Variants in SLC14A2 observed in about 807,000 individuals in gnomAD.
SLC14A2 encodes urea transporter 2.
SLC14A2 carries 91 observed loss-of-function variants against 104.6 expected under a neutral mutation model. The observed-to-expected ratio is 0.87, with a 90% confidence interval of 0.73 to 1.04. The LOEUF (loss-of-function observed/expected upper bound fraction) is 1.04, where lower values mean the gene tolerates loss of function less well. SLC14A2 is among the 50% of genes least tolerant of loss of function. The pLI is 0.00. For missense variants in SLC14A2, 1,189 were observed against 1,156.0 expected (o/e 1.03, Z -0.41); for synonymous variants, 476 against 466.4 (o/e 1.02, Z -0.27).
intron 1 of SLC14A2, among the ~76,000 whole-genome samples, chr18:45,279,860 T>C (rs1599638679): frequency 1.3e-5 from 2 of 152,234 alleles, no homozygotes; most frequent in South Asian, 4.2e-4. Context: ...ATTTAATAAG[T>C]AACCTCAGCA....
At chr18:45,568,816 C>T (rs1381755124) in intron 2 of SLC14A2, among the ~76,000 whole-genome samples, 1 of 152,164 alleles carries the variant, frequency 6.6e-6, no homozygotes, top group African/African-American at 2.4e-5. Flanking sequence ...GCAGCATAAC[C>T]TAACCTATCC....
At chr18:45,275,787 T>C (rs942065771) in intron 1 of SLC14A2, among the ~76,000 whole-genome samples, 2 of 152,252 alleles carry the variant, frequency 1.3e-5, no homozygotes, top group Admixed American at 1.3e-4. Context: ...AGTTGTTTAC[T>C]ATTTGGAGAT....
intron 1 of SLC14A2, among the ~76,000 whole-genome samples, chr18:45,359,360 G>A (rs1044154673): frequency 6.6e-6 from 1 of 152,164 alleles, no homozygotes; most frequent in Non-Finnish European, 1.5e-5. Flanking sequence ...CCAGGGCAAT[G>A]GTTCCTGCTC....
rs116315325 is a variant in SLC14A2 at position 45,479,577 on chromosome 18, A to G, written c.-124-3656A>G. ...CTCACTATCTGTGCCAAGTTAGAGT[A>G]CCTAGCACACAGGAAATAGTGAATT... On this transcript the variant is annotated intron_variant, in intron 1 of 20. Coordinates refer to the SLC14A2 transcript ENST00000586448. 3.5e-3 allele frequency among the ~76,000 whole-genome samples: 532 copies of G among 152,292 alleles called. 3 individuals are homozygous for G. The highest frequency in any genetic ancestry group is 0.012 in the African/African-American group (512 of 41,566).
rs202027934 is a variant in SLC14A2, at chr18:45,418,220, ATC to A, written c.-124-65011_-124-65010del. ...TGTGGGGGGAACAGCAATAAAAGAAATCTGATTCTTATCCTCTGGGTACTCAC... is the reference window on the plus strand; with the variant it reads ...TGTGGGGGGAACAGCAATAAAAGAAATGATTCTTATCCTCTGGGTACTCAC... On this transcript the variant is annotated intron_variant, in intron 1 of 20. Coordinates refer to the SLC14A2 transcript ENST00000586448. Among the ~76,000 whole-genome samples, 1,144 of 152,362 alleles carry A rather than the reference ATC, an allele frequency of 7.5e-3. 20 individuals are homozygous for A. The South Asian group carries it at 0.078, about 10-fold the overall frequency.
intron 2 of SLC14A2, among the ~76,000 whole-genome samples, chr18:45,585,276 C>T (rs1021542888): frequency 2.6e-5 from 4 of 152,088 alleles, no homozygotes; most frequent in African/African-American, 7.2e-5. Context: ...AACTCCGTCC[C>T]CTATCATATT....
At chr18:45,397,909 C>T (rs2086053507) in intron 1 of SLC14A2, among the ~76,000 whole-genome samples, 1 of 149,788 alleles carries the variant, frequency 6.7e-6, no homozygotes, top group African/African-American at 2.4e-5. Flanking sequence ...GACAAGCCCT[C>T]AAGTATGAGT....
intron 2 of SLC14A2, among the ~76,000 whole-genome samples, chr18:45,490,580 G>GA (rs1364798411): frequency 7.2e-5 from 11 of 152,096 alleles, no homozygotes; most frequent in Non-Finnish European, 1.5e-4. Context: ...CAAAAGTAAT[G>GA]AAAAAGATCA....
At chr18:45,197,730 C>A in the SLC14A2 span, among the ~76,000 whole-genome samples, 477 of 152,290 alleles carry the variant, frequency 3.1e-3, 3 homozygotes, top group African/African-American at 0.011. Flanking sequence ...CTGAACAATG[C>A]GTCTCATTCA....
intron 1 of SLC14A2, among the ~76,000 whole-genome samples, chr18:45,425,411 G>A (rs1308312203): frequency 6.6e-6 from 1 of 152,206 alleles, no homozygotes; most frequent in East Asian, 1.9e-4. Flanking sequence ...CCCTACCAGT[G>A]CTGTCTCCTC....
rs185665573 is a variant in SLC14A2 at position 45,449,105 on chromosome 18, T to C, written c.-124-34128T>C. ...GAGTGGGATTTAACTGGCAAATCAA[T>C]GAGCAAAGCCTCAAAGCCCATTCCA... On this transcript the variant is annotated intron_variant, in intron 1 of 20. Transcript: ENST00000586448. Among the ~76,000 whole-genome samples the C allele has an allele frequency of 3.0e-3, 460 of 152,328 alleles. 2 individuals carry two copies. The highest frequency in any genetic ancestry group is 0.011 in the African/African-American group (439 of 41,576).
At chr18:45,198,436 T>C in the SLC14A2 span, among the ~76,000 whole-genome samples, 1 of 152,180 alleles carries the variant, frequency 6.6e-6, no homozygotes, top group Non-Finnish European at 1.5e-5. Context: ...TGTGTTCCTA[T>C]TATAATTATT....
In SLC14A2 at chr18:45,585,980, G is replaced by A. The variant is rs140841546; in HGVS notation, c.-34-38651G>A. ...TTCACATACTTATTCAGTCAACATG[G>A]ATTAATTGGGTGTGTTGGGGAATAC... is the stretch of plus-strand genomic sequence containing the variant. On this transcript the variant is annotated intron_variant, in intron 2 of 20. Transcript: ENST00000586448. 2.2e-3 allele frequency among the ~76,000 whole-genome samples: 330 copies of A among 152,314 alleles called. 2 individuals carry two copies. Among genetic ancestry groups the A allele is most frequent in the African/African-American group, 7.7e-3 (322 of 41,554 alleles).
chr18:45,273,667 A>G (rs988102826), intron 1 of SLC14A2, among the ~76,000 whole-genome samples: 1 of 152,160 alleles, frequency 6.6e-6, no homozygotes, highest in South Asian at 2.1e-4. Flanking sequence ...ATGAAGTCCA[A>G]TAGTCTTTTT....
intron 1 of SLC14A2, among the ~76,000 whole-genome samples, chr18:45,404,668 C>A (rs1424999585): frequency 1.3e-5 from 2 of 152,214 alleles, no homozygotes; most frequent in East Asian, 1.9e-4. Context: ...CTCTCCAGGG[C>A]TTCCAGGGTG....
At chr18:45,197,401 G>C in the SLC14A2 span, among the ~76,000 whole-genome samples, 1 of 152,160 alleles carries the variant, frequency 6.6e-6, no homozygotes, top group Non-Finnish European at 1.5e-5. Context: ...AGAGAAGTGA[G>C]AGCCTATCAG....
Position 45,644,067 on chromosome 18 carries a change from T to C in SLC14A2, c.1258T>C (p.Phe420Leu), listed in dbSNP as rs1265137346. 4.3e-6 allele frequency: 7 copies of C among 1,614,130 alleles called. No homozygotes were observed. Among genetic ancestry groups the C allele is most frequent in the African/African-American group, 1.3e-5 (1 of 74,948 alleles). Residue 420 changes from phenylalanine to leucine, a missense_variant, in exon 10 of 20, where the codon TTC becomes CTC. Coordinates refer to ENST00000255226, the MANE Select transcript of SLC14A2 (RefSeq NM_007163.4). Reference protein sequence around the residue: ...LLLTTNNPAIFRLPLSKVTYP... With the variant: ...LLLTTNNPAILRLPLSKVTYP... ...CCTGACGACAAACAACCCAGCCATC[T>C]TCAGACTCCCACTCAGCAAAGTCAC...
intron 1 of SLC14A2, among the ~76,000 whole-genome samples, chr18:45,392,576 T>C (rs2085982547): frequency 6.6e-6 from 1 of 152,220 alleles, no homozygotes; most frequent in Non-Finnish European, 1.5e-5. Flanking sequence ...ACATCAAGAT[T>C]TCACTTATCT....
intron 1 of SLC14A2, among the ~76,000 whole-genome samples, chr18:45,435,478 C>T (rs898013090): frequency 3.3e-5 from 5 of 152,118 alleles, no homozygotes; most frequent in African/African-American, 7.2e-5. Context: ...ATATCACACA[C>T]ACCAAAATTT....
Sources: allele counts gnomAD v4.1 joint callset (sites outside exome capture counted in the v4.1 genomes callset), GRCh38; gene constraint gnomAD v4.1.1; transcripts MANE v1.5; gene names NCBI Gene and HGNC (gene_info 2026-07-23, HGNC 2026-07-21).